Variants in GDPD4 observed in about 807,000 individuals in gnomAD.
GDPD4 encodes the protein glycerophosphodiester phosphodiesterase 6.
GDPD4 carries 60 observed loss-of-function variants against 67.8 expected under a neutral mutation model. That is an observed-to-expected ratio of 0.88 (90% CI 0.72 to 1.10). The LOEUF is 1.10. Ranked by LOEUF, GDPD4 falls within the 50% of genes least tolerant of loss-of-function variation. The pLI is 0.00. For synonymous variants in GDPD4, 212 were observed against 210.9 expected, an observed-to-expected ratio of 1.00 and a Z score of -0.04; for missense variants, 623 against 613.9, an observed-to-expected ratio of 1.01 and a Z score of -0.16.
In GDPD4 at chr11:77,279,262, G is replaced by C. The variant is rs757579962; in HGVS notation, c.147+44C>G. 3 of 1,258,274 alleles carry C rather than the reference G, an allele frequency of 2.4e-6. No individual in the cohort carries two copies. In the South Asian group the frequency reaches 3.6e-5, roughly 15 times the overall value. The allele number at this position is 1,258,274 out of a possible 1,614,324, so 77.9% of individuals were successfully genotyped here. A position where few individuals can be genotyped will look rare whatever the true frequency, so the allele number is the denominator to read the frequency against. ...TACCACAGGCAGGAACACCTCATCA[G>C]GCTACTCAGGAAGGGAGTGGAAGAA... On this transcript the variant is annotated intron_variant, in intron 4 of 16. Transcript: ENST00000315938.
intron 11 of GDPD4, among the ~76,000 whole-genome samples, chr11:77,251,397 G>A (rs1266964079): frequency 6.6e-6 from 1 of 151,696 alleles, no homozygotes. Flanking sequence ...TTTCTTATAG[G>A]GCTAGTCTAG....
rs1565535571 is a variant in GDPD4, at chr11:77,271,403, CAG to C, written c.208-12_208-11del. 3 of 1,570,290 alleles carry C rather than the reference CAG, an allele frequency of 1.9e-6. No homozygotes were observed. Among genetic ancestry groups the C allele is most frequent in the Admixed American group, 3.4e-5 (2 of 59,336 alleles). ...CTAGCAGAATCAGGATCTAGGGAAACAGAAAAAAAATCTCCTGACTTCAAGCA... is the reference window on the plus strand; with the variant it reads ...CTAGCAGAATCAGGATCTAGGGAAACAAAAAAAATCTCCTGACTTCAAGCA... On this transcript the variant is annotated splice_polypyrimidine_tract_variant and intron_variant, in intron 5 of 16. Transcript: ENST00000315938.
intron 16 of GDPD4, among the ~76,000 whole-genome samples, chr11:77,225,150 T>C (rs1041096214): frequency 2.0e-5 from 3 of 151,466 alleles, no homozygotes; most frequent in African/African-American, 7.3e-5. Flanking sequence ...ATAGAATCTA[T>C]CCAAAAATAA....
At chr11:77,280,932 C>G (rs1424559789) in intron 3 of GDPD4, among the ~76,000 whole-genome samples, 2 of 152,200 alleles carry the variant, frequency 1.3e-5, no homozygotes, top group African/African-American at 4.8e-5. Context: ...TCTTGGCCGT[C>G]ACTTCTTTAA....
chr11:77,241,922 ACT>A (rs1958674038), intron 13 of GDPD4, among the ~76,000 whole-genome samples: 1 of 152,052 alleles, frequency 6.6e-6, no homozygotes, highest in African/African-American at 2.4e-5. Flanking sequence ...ACAGAGCGAG[ACT>A]CTGTCTCAAA....
chr11:77,297,634 T>C (rs569719980), intron 1 of GDPD4, among the ~76,000 whole-genome samples: 3 of 152,200 alleles, frequency 2.0e-5, no homozygotes, highest in Non-Finnish European at 4.4e-5. Flanking sequence ...AGGCAAGTTA[T>C]GTAAGTATTC....
intron 14 of GDPD4, among the ~76,000 whole-genome samples, chr11:77,232,375 T>A (rs1833346352): frequency 6.6e-6 from 1 of 152,234 alleles, no homozygotes; most frequent in African/African-American, 2.4e-5. Context: ...CTACTCTCTG[T>A]ACAGATAAGA....
chr11:77,232,656 CAGTAA>C (rs1958475703), intron 14 of GDPD4, among the ~76,000 whole-genome samples: 1 of 152,204 alleles, frequency 6.6e-6, no homozygotes, highest in Non-Finnish European at 1.5e-5. Context: ...GGTGGGGCTA[CAGTAA>C]CAAAACTCTG....
chr11:77,270,086 ACTAT>A (rs761784235), intron 7 of GDPD4, 126 bp from the exon 8 acceptor site: 24 of 561,228 alleles, frequency 4.3e-5, no homozygotes, highest in Non-Finnish European at 7.2e-5. Flanking sequence ...CAATGGCAGC[ACTAT>A]CTATGCAGTC....
chr11:77,233,152 A>C lies in GDPD4; in HGVS notation c.1262T>G (p.Ile421Ser), dbSNP rs1232649200. 1 of 1,613,872 alleles carries C rather than the reference A, an allele frequency of 6.2e-7. No homozygotes were observed. ...NGLRDYKAAN[I>S]HINVYTVNEP... ...ATTGACGGTGTATACGTTGATATGG[A>C]TGTTAGCTGCTTTATAATCTCTGGA... is the stretch of plus-strand genomic sequence containing the variant. The change falls in exon 14 of 17, where the codon ATC (isoleucine) becomes AGC (serine). Residue 421 changes from isoleucine (I) to serine (S), a missense_variant. Transcript: ENST00000315938.
intron 15 of GDPD4, 62 bp downstream of exon 15, chr11:77,229,088 A>T: frequency 2.6e-6 from 2 of 759,100 alleles, no homozygotes; most frequent in Non-Finnish European, 4.3e-6. Flanking sequence ...TATTTTTCTC[A>T]ATTTCCTATA....
chr11:77,223,313 A>C, intron 16 of GDPD4, among the ~76,000 whole-genome samples: 1 of 151,916 alleles, frequency 6.6e-6, no homozygotes, highest in Admixed American at 6.6e-5. Context: ...GTTTCTCCCC[A>C]TCTTTGTGGT....
At chr11:77,257,064 C>T (rs779270435) in intron 11 of GDPD4, among the ~76,000 whole-genome samples, 10 of 152,112 alleles carry the variant, frequency 6.6e-5, no homozygotes, top group Non-Finnish European at 1.5e-4. Context: ...AATTCCATTC[C>T]ACCAGTACAC....
At position 77,229,168 on chromosome 11, in the gene GDPD4, G is replaced by T. The variant is rs932876048; in HGVS notation, c.1454C>A (p.Ala485Asp). Residue 485 changes from alanine to aspartate, a missense_variant, in exon 15 of 17, where the codon GCC (alanine) becomes GAC (aspartate). Physicochemically the swap from Ala to Asp is moderately radical, Grantham distance 126 (BLOSUM62 -2). Coordinates refer to ENST00000315938, the MANE Select transcript of GDPD4 (RefSeq NM_182833.3). ...ADIISVLFIV[A>D]IFCFHWRRET... ...TACTTACCAGTGAAAACAAAATATG[G>T]CAACAATAAAAAGCACAGAAATGAT... 3 of 1,595,192 alleles carry T rather than the reference G, an allele frequency of 1.9e-6. No homozygotes were observed. Among genetic ancestry groups the T allele is most frequent in the South Asian group, 1.1e-5 (1 of 89,006 alleles).
chr11:77,248,157 A>G (rs1313187768), intron 11 of GDPD4, among the ~76,000 whole-genome samples: 3 of 151,630 alleles, frequency 2.0e-5, no homozygotes, highest in South Asian at 2.1e-4. Flanking sequence ...GACGATTCTG[A>G]TAAGAACTAA....
At position 77,269,966 on chromosome 11, in the gene GDPD4, A is replaced by C. The variant is rs1959200113; in HGVS notation, c.401-6T>G. ...CCTGTATCTTCTCATTCTAACTAAA[A>C]TTTAGAAAGTGAAAAAGAAAAGAGT... is the stretch of plus-strand genomic sequence containing the variant. On this transcript the variant is annotated splice_polypyrimidine_tract_variant and splice_region_variant and intron_variant, in intron 7 of 16. Transcript: ENST00000315938. The C allele has an allele frequency of 6.2e-6, 9 of 1,454,818 alleles. No individual in the cohort carries two copies. The highest frequency in any genetic ancestry group is 8.6e-6 in the Non-Finnish European group (9 of 1,044,514). The allele number at this position is 1,454,818 out of a possible 1,614,324, so 90.1% of individuals were successfully genotyped here. A position where few individuals can be genotyped will look rare whatever the true frequency, so the allele number is the denominator to read the frequency against.
intron 10 of GDPD4, among the ~76,000 whole-genome samples, chr11:77,258,924 A>T (rs975655317): frequency 6.6e-6 from 1 of 152,250 alleles, no homozygotes; most frequent in Non-Finnish European, 1.5e-5. Context: ...TTCCTGTATT[A>T]TTCTGATCCT....
intron 13 of GDPD4, among the ~76,000 whole-genome samples, chr11:77,236,094 A>G (rs1462028232): frequency 6.6e-6 from 1 of 152,062 alleles, no homozygotes; most frequent in Non-Finnish European, 1.5e-5. Flanking sequence ...GGACAAATAG[A>G]AAAAAAATAG....
Position 77,245,131 on chromosome 11 carries a change from T to G in GDPD4, c.1086+150A>C, listed in dbSNP as rs1055468730. ...TCATTCCTAGATTACCACATGTAGCTGTATAAGTAACAATCTTCATTTCCA... is the reference window on the plus strand; with the variant it reads ...TCATTCCTAGATTACCACATGTAGCGGTATAAGTAACAATCTTCATTTCCA... On this transcript the variant is annotated intron_variant, in intron 12 of 16. Coordinates refer to ENST00000315938, the MANE Select transcript of GDPD4 (RefSeq NM_182833.3). 5.0e-5 allele frequency: 32 copies of G among 634,676 alleles called. No individual in the cohort carries two copies. The Admixed American group carries it at 6.3e-4, about 13-fold the overall frequency. The allele number at this position is 634,676 out of a possible 1,614,324, so 39.3% of individuals were successfully genotyped here.
Sources: gnomAD v4.1 joint callset for allele counts (sites outside exome capture counted in the v4.1 genomes callset) on GRCh38, gnomAD v4.1.1 for gene constraint, MANE v1.5 for transcripts, NCBI Gene and HGNC (gene_info 2026-07-23, HGNC 2026-07-21) for gene names.